ROR2: variants seen among roughly 807,000 people sequenced by gnomAD.
ROR2 encodes tyrosine-protein kinase transmembrane receptor ROR2.
In ROR2, 33 loss-of-function variants were observed where a neutral mutation model predicts 74.9. The observed-to-expected ratio is 0.44, with a 90% CI of 0.33 to 0.59. The LOEUF is 0.59. ROR2 is among the 20% of genes least tolerant of loss of function. ROR2 has a pLI of 0.02. For synonymous variants in ROR2, 586 were observed against 558.7 expected (o/e 1.05, Z -0.69); for missense variants, 1,216 against 1,313.8 (o/e 0.93, Z 1.15).
intron 1 of ROR2, among the ~76,000 whole-genome samples, chr9:91,897,709 G>A (rs1487804679): frequency 6.6e-6 from 1 of 152,120 alleles, no homozygotes; most frequent in African/African-American, 2.4e-5. Context: ...AGGGGCCTGG[G>A]GAGGCTGCCT....
At chr9:91,779,017 G>A (rs1395978294) in intron 1 of ROR2, among the ~76,000 whole-genome samples, 3 of 152,148 alleles carry the variant, frequency 2.0e-5, no homozygotes, top group African/African-American at 4.8e-5. Context: ...CACTCTAGAA[G>A]CAAAGACTAA....
chr9:91,924,672 A>C (rs1831352245), intron 1 of ROR2, among the ~76,000 whole-genome samples: 2 of 152,142 alleles, frequency 1.3e-5, no homozygotes, highest in South Asian at 4.1e-4. Flanking sequence ...GGGCGCCTGT[A>C]GTCCCAGCTA....
chr9:91,839,252 GT>G (rs1328345408), intron 1 of ROR2, among the ~76,000 whole-genome samples: 653 of 27,328 alleles, frequency 0.024, 6 homozygotes, highest in African/African-American at 0.058. Context: ...CAGATCGGGG[GT>G]GTGTGTGTGT....
chr9:91,775,719 G>A (rs766844236), intron 2 of ROR2, 22 bp downstream of exon 2: 34 of 1,604,560 alleles, frequency 2.1e-5, no homozygotes, highest in South Asian at 1.9e-4. Context: ...GACATGGAGA[G>A]CACCTGCATG....
intron 1 of ROR2, among the ~76,000 whole-genome samples, chr9:91,944,784 A>G (rs537661053): frequency 7.2e-6 from 1 of 139,568 alleles, no homozygotes; most frequent in Non-Finnish European, 1.5e-5. Context: ...ATGGCCAGTG[A>G]GGTGGCTCAT....
chr9:91,861,808 C>A (rs1242248399), intron 1 of ROR2, among the ~76,000 whole-genome samples: 1 of 152,112 alleles, frequency 6.6e-6, no homozygotes, highest in Non-Finnish European at 1.5e-5. Flanking sequence ...TAAAAAGACA[C>A]AAAATGGGAG....
chr9:91,743,352 A>G (rs938586740), intron 4 of ROR2, among the ~76,000 whole-genome samples: 1 of 152,144 alleles, frequency 6.6e-6, no homozygotes, highest in Non-Finnish European at 1.5e-5. Flanking sequence ...CAGGTGAATC[A>G]CTTGAGGTCA....
At chr9:91,742,685 G>A (rs1235708987) in intron 4 of ROR2, among the ~76,000 whole-genome samples, 1 of 152,126 alleles carries the variant, frequency 6.6e-6, no homozygotes, top group Non-Finnish European at 1.5e-5. Context: ...ACACTGTAGT[G>A]CAATTACTCA....
chr9:91,887,124 G>A (rs371659831), intron 1 of ROR2: 8 of 152,252 alleles, frequency 5.3e-5, no homozygotes, highest in African/African-American at 1.9e-4. Flanking sequence ...CTAGGCAAAG[G>A]GTACATTCGT....
At chr9:91,782,205 G>C (rs989956194) in intron 1 of ROR2, among the ~76,000 whole-genome samples, 2 of 152,220 alleles carry the variant, frequency 1.3e-5, no homozygotes, top group Non-Finnish European at 2.9e-5. Context: ...TTAAGTGGCT[G>C]CTTGTTTCTG....
intron 1 of ROR2, among the ~76,000 whole-genome samples, chr9:91,836,508 C>G (rs1241722240): frequency 2.7e-5 from 4 of 150,080 alleles, no homozygotes; most frequent in East Asian, 3.9e-4. Context: ...CCACTGCACT[C>G]CAGCCTGGAA....
At chr9:91,834,473 T>C (rs1828556702) in intron 1 of ROR2, among the ~76,000 whole-genome samples, 1 of 152,156 alleles carries the variant, frequency 6.6e-6, no homozygotes, top group South Asian at 2.1e-4. Flanking sequence ...TTCCTTTATT[T>C]AACTCTAGCC....
intron 1 of ROR2, among the ~76,000 whole-genome samples, chr9:91,893,336 G>A (rs1311568619): frequency 6.6e-6 from 1 of 152,020 alleles, no homozygotes; most frequent in Admixed American, 6.6e-5. Context: ...GCTACTCAGG[G>A]GGCCGAGGCA....
intron 1 of ROR2, among the ~76,000 whole-genome samples, chr9:91,832,421 A>C (rs1469671554): frequency 7.0e-6 from 1 of 142,360 alleles, no homozygotes; most frequent in Non-Finnish European, 1.5e-5. Flanking sequence ...CATGACGGCC[A>C]GGGTCCACGG....
intron 1 of ROR2, among the ~76,000 whole-genome samples, chr9:91,902,045 C>T (rs1014300599): frequency 2.6e-5 from 4 of 152,004 alleles, no homozygotes; most frequent in South Asian, 4.2e-4. Context: ...ATCCACACAA[C>T]GGTTAACATT....
At chr9:91,782,313 T>C (rs1344342934) in intron 1 of ROR2, among the ~76,000 whole-genome samples, 5 of 152,164 alleles carry the variant, frequency 3.3e-5, no homozygotes, top group Non-Finnish European at 5.9e-5. Context: ...AGCTCTTGAA[T>C]ATTAGTTACT....
intron 1 of ROR2, among the ~76,000 whole-genome samples, chr9:91,784,692 C>T (rs1310584367): frequency 3.3e-5 from 5 of 152,156 alleles, no homozygotes; most frequent in African/African-American, 7.2e-5. Context: ...CAAAGTTTAC[C>T]GAATTTTTAA....
chr9:91,821,361 G>A (rs1231157055), intron 1 of ROR2, among the ~76,000 whole-genome samples: 2 of 152,154 alleles, frequency 1.3e-5, no homozygotes, highest in East Asian at 1.9e-4. Context: ...GCATTGCTTC[G>A]TTATTATTGC....
intron 1 of ROR2, among the ~76,000 whole-genome samples, chr9:91,836,235 G>A (rs1828606711): frequency 1.3e-5 from 2 of 152,054 alleles, no homozygotes; most frequent in Non-Finnish European, 2.9e-5. Context: ...CTGGGAAGAG[G>A]TACCAATTAT....
Sources: allele counts gnomAD v4.1 joint callset (sites outside exome capture counted in the v4.1 genomes callset), GRCh38; gene constraint gnomAD v4.1.1; transcripts MANE v1.5; gene names NCBI Gene and HGNC (gene_info 2026-07-23, HGNC 2026-07-21).